The following CPO variants were observed in gnomAD, a reference collection of about 807,000 sequenced individuals.
The protein encoded by CPO is metallocarboxypeptidase C.
A neutral mutation model predicts 41.2 loss-of-function variants in CPO; 43 were observed. The ratio of observed to expected loss-of-function variants is 1.04; its 90% CI spans 0.82 to 1.35. The LOEUF is 1.35. CPO is among the 40% of genes most tolerant of loss of function. The pLI, the probability that CPO is intolerant of heterozygous loss-of-function variation, is 0.00. For missense variants in CPO, 408 were observed against 451.7 expected, an observed-to-expected ratio of 0.90 and a Z score of 0.88; for synonymous variants, 178 against 162.7, an observed-to-expected ratio of 1.09 and a Z score of -0.72.
At chr2:206,955,998 T>C (rs1219401318) in intron 3 of CPO, among the ~76,000 whole-genome samples, 1 of 152,102 alleles carries the variant, frequency 6.6e-6, no homozygotes, top group African/African-American at 2.4e-5. Context: ...CCTTTTATGG[T>C]TAAGGGAACA....
intron 4 of CPO, 90 bp downstream of exon 4, chr2:206,958,495 A>G: frequency 1.5e-6 from 1 of 663,082 alleles, no homozygotes; most frequent in Non-Finnish European, 2.7e-6. Flanking sequence ...CTTCTTTCAC[A>G]TGTTAGTGAT....
At chr2:206,964,153 C>T (rs776220455) in intron 7 of CPO, among the ~76,000 whole-genome samples, 4 of 152,164 alleles carry the variant, frequency 2.6e-5, no homozygotes, top group Admixed American at 1.3e-4. Context: ...CTCCGGAGCA[C>T]GACCCAGAAG....
Position 206,958,281 on chromosome 2 carries a change from G to A in CPO, c.268-20G>A, listed in dbSNP as rs750824358. 3.0e-6 allele frequency: 4 copies of A among 1,334,822 alleles called. No individual in the cohort carries two copies. The highest frequency in any genetic ancestry group is 2.4e-5 in the East Asian group (1 of 41,758). The allele number at this position is 1,334,822 out of a possible 1,614,324, so 82.7% of individuals were successfully genotyped here. ...ATAATCAGCAATTGTTTAGTAATGGGGCATGGATATCTTCTCCAGATCAGC... is the reference window on the plus strand; with the variant it reads ...ATAATCAGCAATTGTTTAGTAATGGAGCATGGATATCTTCTCCAGATCAGC... On this transcript the variant is annotated intron_variant, in intron 3 of 8. Coordinates refer to ENST00000272852, the MANE Select transcript of CPO (RefSeq NM_173077.3).
At chr2:206,946,598 A>C (rs1437844639) in intron 1 of CPO, among the ~76,000 whole-genome samples, 2 of 152,170 alleles carry the variant, frequency 1.3e-5, no homozygotes, top group South Asian at 4.1e-4. Flanking sequence ...TTATACTGAA[A>C]GTCCTAGCTA....
Position 206,955,579 on chromosome 2 carries a change from T to C in CPO, c.267+15T>C, listed in dbSNP as rs759654740. The C allele has an allele frequency of 1.5e-6, 2 of 1,299,116 alleles. No individual in the cohort carries two copies. Among genetic ancestry groups the C allele is most frequent in the Admixed American group, 3.4e-5 (2 of 59,654 alleles). 80.5% of individuals were successfully genotyped at this position (1,299,116 alleles called of 1,614,324 possible). A position where few individuals can be genotyped will look rare whatever the true frequency, so the allele number is the denominator to read the frequency against. ...ATTATCTGAAGGTGAGTGAGAAGGC[T>C]GAGAATTACCTTACCAGGAGAATTA... On this transcript the variant is annotated intron_variant, in intron 3 of 8. Coordinates refer to ENST00000272852, the MANE Select transcript of CPO (RefSeq NM_173077.3).
intron 7 of CPO, among the ~76,000 whole-genome samples, chr2:206,967,681 AG>A (rs1276542713): frequency 1.3e-5 from 2 of 152,166 alleles, no homozygotes; most frequent in Non-Finnish European, 2.9e-5. Context: ...ATCATCTAGG[AG>A]GGATGACAAA....
At chr2:206,948,642 G>C (rs1693192950) in intron 1 of CPO, among the ~76,000 whole-genome samples, 1 of 152,114 alleles carries the variant, frequency 6.6e-6, no homozygotes, top group Non-Finnish European at 1.5e-5. Context: ...GGGACCTGTA[G>C]TGCCAATTAA....
chr2:206,962,508 G>A lies in CPO; in HGVS notation c.671G>A (p.Ser224Asn), dbSNP rs2105828179. The change falls in exon 7 of 9, where the codon AGC (serine) becomes AAC (asparagine). Residue 224 changes from serine (S) to asparagine (N), a missense_variant. Ser to Asn is a conservative substitution (Grantham distance 46). Transcript: ENST00000272852. ...AAAGCTGTTGCCAGCTTCATAGAGA[G>A]CAAGAAGGATGATATTTTGTGCTTC... ...ETKAVASFIE[S>N]KKDDILCFLT... is the part of the protein sequence containing the mutation. 1.2e-6 allele frequency: 2 copies of A among 1,614,132 alleles called. No individual in the cohort carries two copies. Among genetic ancestry groups the A allele is most frequent in the Middle Eastern group, 1.6e-4 (1 of 6,062 alleles).
At chr2:206,955,256 G>A (rs1021460365) in intron 2 of CPO, among the ~76,000 whole-genome samples, 1 of 152,214 alleles carries the variant, frequency 6.6e-6, no homozygotes, top group Non-Finnish European at 1.5e-5. Context: ...AAAGTGCAGT[G>A]GTAGAACCTA....
At chr2:206,951,384 T>A (rs901236923) in intron 2 of CPO, among the ~76,000 whole-genome samples, 1 of 152,252 alleles carries the variant, frequency 6.6e-6, no homozygotes, top group Non-Finnish European at 1.5e-5. Context: ...TGTGACATTA[T>A]GCAAATCTTT....
At chr2:206,945,164 A>G (rs905192205) in intron 1 of CPO, among the ~76,000 whole-genome samples, 2 of 152,150 alleles carry the variant, frequency 1.3e-5, no homozygotes, top group African/African-American at 4.8e-5. Context: ...AGAAATGAAG[A>G]CTTAGAGAAA....
intron 3 of CPO, among the ~76,000 whole-genome samples, chr2:206,956,543 C>A (rs1168802476): frequency 3.9e-5 from 6 of 152,186 alleles, no homozygotes; most frequent in Non-Finnish European, 8.8e-5. Flanking sequence ...AACAAGGCTT[C>A]TTCCAGGTGA....
chr2:206,946,197 A>G (rs1693142122), intron 1 of CPO, among the ~76,000 whole-genome samples: 1 of 152,114 alleles, frequency 6.6e-6, no homozygotes, highest in Non-Finnish European at 1.5e-5. Context: ...TTACAGACCA[A>G]TATCTCTCAT....
Position 206,969,464 on chromosome 2 carries a change from C to T in CPO, c.*28C>T, listed in dbSNP as rs115645750. Reference sequence around the variant, plus strand: ...GCATTCTGCCCAGGCCTGCTCAACCCCAGTGGCATGAGTGTGGCTGGAGGA... The same window carrying T: ...GCATTCTGCCCAGGCCTGCTCAACCTCAGTGGCATGAGTGTGGCTGGAGGA... On this transcript the variant is annotated 3_prime_UTR_variant, in exon 9 of 9. Transcript: ENST00000272852. The T allele has an allele frequency of 7.2e-4, 1,162 of 1,608,132 alleles. 10 individuals are homozygous for T. In the African/African-American group the frequency reaches 0.015, roughly 20 times the overall value.
At chr2:206,953,138 C>G (rs2105823442) in intron 2 of CPO, among the ~76,000 whole-genome samples, 1 of 152,286 alleles carries the variant, frequency 6.6e-6, no homozygotes, top group South Asian at 2.1e-4. Flanking sequence ...ACCGCTGGCC[C>G]TTCCCAAATC....
chr2:206,965,621 A>T (rs1010218158), intron 7 of CPO, among the ~76,000 whole-genome samples: 1 of 151,830 alleles, frequency 6.6e-6, no homozygotes, highest in African/African-American at 2.4e-5. Flanking sequence ...CAACCTCTGT[A>T]CTCCATCCCA....
intron 1 of CPO, among the ~76,000 whole-genome samples, chr2:206,945,829 G>A (rs572180070): frequency 9.9e-5 from 15 of 152,038 alleles, no homozygotes; most frequent in South Asian, 2.1e-4. Context: ...CCAGCTACTC[G>A]GGAGGCTGAG....
At position 206,960,907 on chromosome 2, in the gene CPO, C is replaced by T. The variant is rs570773203; in HGVS notation, c.539C>T (p.Thr180Met). The part of the protein sequence containing the change: ...SPHNNGTCFG[T>M]DLNRNFNASW... Reference sequence around the variant, plus strand: ...CATAATAATGGCACATGTTTTGGGACGGATCTCAATCGAAATTTCAATGCA... The same window carrying T: ...CATAATAATGGCACATGTTTTGGGATGGATCTCAATCGAAATTTCAATGCA... Residue 180 changes from threonine (T) to methionine (M), a missense_variant, in exon 6 of 9, where the codon ACG (threonine) becomes ATG (methionine). By Grantham distance (81) the Thr-to-Met change is moderately conservative (BLOSUM62 -1). Coordinates refer to ENST00000272852, the MANE Select transcript of CPO (RefSeq NM_173077.3). The T allele has an allele frequency of 7.7e-5, 124 of 1,613,500 alleles. No homozygotes were observed. The highest frequency in any genetic ancestry group is 1.4e-4 in the South Asian group (13 of 91,052).
intron 3 of CPO, 84 bp downstream of exon 3, chr2:206,955,648 G>A (rs2105824641): frequency 2.4e-6 from 2 of 839,824 alleles, no homozygotes; most frequent in Non-Finnish European, 4.1e-6. Context: ...CTAATCAGAA[G>A]TGTGGAAAAG....
Sources: allele counts gnomAD v4.1 joint callset (sites outside exome capture counted in the v4.1 genomes callset), GRCh38; gene constraint gnomAD v4.1.1; transcripts MANE v1.5; gene names NCBI Gene and HGNC (gene_info 2026-07-23, HGNC 2026-07-21).